Variants in HIVEP1 observed in about 807,000 individuals in gnomAD.
HIVEP1 encodes the protein HIVEP zinc finger 1.
Under a neutral mutation model 180.0 loss-of-function variants are expected in HIVEP1, and 36 were observed. The ratio of observed to expected loss-of-function variants is 0.20; its 90% CI spans 0.15 to 0.26. The LOEUF (loss-of-function observed/expected upper bound fraction) is 0.26, where lower values mean the gene tolerates loss of function less well. HIVEP1 is among the 10% of genes least tolerant of loss of function. HIVEP1 has a pLI of 1.00. For synonymous variants in HIVEP1, 1,239 were observed against 1,239.0 expected, an observed-to-expected ratio of 1.00 and a Z score of 0.00; for missense variants, 3,143 against 3,268.7, an observed-to-expected ratio of 0.96 and a Z score of 0.94.
chr6:12,167,066 C>T (rs539748978), downstream of HIVEP1, among the ~76,000 whole-genome samples: 2 of 151,976 alleles, frequency 1.3e-5, no homozygotes, highest in African/African-American at 2.4e-5. Context: ...TTATTTCTTT[C>T]GAAATGATAA....
At chr6:12,081,713 A>C (rs55943468) in intron 2 of HIVEP1, among the ~76,000 whole-genome samples, 7,674 of 152,226 alleles carry the variant, frequency 0.05, 206 homozygotes, top group South Asian at 0.1. Flanking sequence ...AGAACAAAAC[A>C]AATCAAATAG....
At chr6:12,159,653 A>G (rs1188215443) in intron 7 of HIVEP1, among the ~76,000 whole-genome samples, 2 of 152,184 alleles carry the variant, frequency 1.3e-5, no homozygotes, top group East Asian at 3.9e-4. Flanking sequence ...CTGGGTATTT[A>G]CCCAGAAATC....
At chr6:12,017,676 G>T (rs1198786972) in intron 2 of HIVEP1, among the ~76,000 whole-genome samples, 1 of 152,232 alleles carries the variant, frequency 6.6e-6, no homozygotes, top group Non-Finnish European at 1.5e-5. Context: ...GCTGATTGGT[G>T]TGTTTACAAT....
At chr6:12,091,347 T>TA (rs1421426760) in intron 3 of HIVEP1, among the ~76,000 whole-genome samples, 1 of 152,128 alleles carries the variant, frequency 6.6e-6, no homozygotes, top group Non-Finnish European at 1.5e-5. Flanking sequence ...CATTGCTTTT[T>TA]AAAAAAATTA....
intron 7 of HIVEP1, among the ~76,000 whole-genome samples, chr6:12,159,200 G>T (rs1004603029): frequency 6.6e-6 from 1 of 152,064 alleles, no homozygotes; most frequent in African/African-American, 2.4e-5. Flanking sequence ...ACGTGTGTGT[G>T]TGTGTGTGCG....
rs539053999 is a variant in HIVEP1, at chr6:12,138,029, G to A, written c.6487+2137G>A. 2.5e-3 allele frequency among the ~76,000 whole-genome samples: 374 copies of A among 152,248 alleles called. 3 individuals carry two copies. Among genetic ancestry groups the A allele is most frequent in the South Asian group, 3.5e-3 (17 of 4,816 alleles). Reference sequence around the variant, plus strand: ...TTATTGCTGCTGAGGGGCAGCTTCCGTTACTCCCCACTCCTTGCCACTCTC... The same window carrying A: ...TTATTGCTGCTGAGGGGCAGCTTCCATTACTCCCCACTCCTTGCCACTCTC... On this transcript the variant is annotated intron_variant, in intron 7 of 8. Coordinates refer to ENST00000379388, the MANE Select transcript of HIVEP1 (RefSeq NM_002114.4).
chr6:12,061,495 G>T (rs1277927047), intron 2 of HIVEP1, among the ~76,000 whole-genome samples: 2 of 152,088 alleles, frequency 1.3e-5, no homozygotes, highest in African/African-American at 4.8e-5. Context: ...GCTAATAGAA[G>T]AAAAACGAAA....
intron 3 of HIVEP1, among the ~76,000 whole-genome samples, chr6:12,115,347 A>ATTT (rs1775145972): frequency 4.1e-5 from 3 of 73,442 alleles, no homozygotes; most frequent in African/African-American, 2.0e-4. Context: ...TTCCCCAACT[A>ATTT]TTCTTTTTTT....
intron 6 of HIVEP1, among the ~76,000 whole-genome samples, chr6:12,135,097 C>T (rs1444635608): frequency 6.6e-6 from 1 of 152,178 alleles, no homozygotes; most frequent in Non-Finnish European, 1.5e-5. Flanking sequence ...ACAGGCTTAC[C>T]TGTCCTGAGA....
intron 2 of HIVEP1, among the ~76,000 whole-genome samples, chr6:12,037,359 TTGTC>T (rs1769349069): frequency 6.6e-6 from 1 of 152,348 alleles, no homozygotes; most frequent in East Asian, 1.9e-4. Flanking sequence ...AAAGAGATGT[TTGTC>T]TGTGTCAGTT....
At position 12,163,561 on chromosome 6, in the gene HIVEP1, T is replaced by A. The variant is rs1358421200; in HGVS notation, c.7257T>A (p.Leu2419=). The A allele has an allele frequency of 6.2e-7, 1 of 1,614,058 alleles. No homozygotes were observed. Among genetic ancestry groups the A allele is most frequent in the Non-Finnish European group, 8.5e-7 (1 of 1,180,034 alleles). The change falls in exon 9 of 9, where the codon CTT becomes CTA. Residue 2419 remains leucine, a synonymous_variant. Transcript: ENST00000379388. ...TCACATACTCCACGTTTGTGCCCCT[T>A]CAGGCTGGACCAGTGCAGCTCACGA... is the stretch of plus-strand genomic sequence containing the variant. ...AGLTYSTFVP[L]QAGPVQLTIP...
Position 12,015,857 on chromosome 6 carries a change from A to G in HIVEP1, c.40+189A>G, listed in dbSNP as rs1767707645. ...GAGATACTTAATAAATATCTGTTGA[A>G]TGAATGAATTGAATTTGACGAAATT... is the stretch of plus-strand genomic sequence containing the variant. On this transcript the variant is annotated intron_variant, in intron 2 of 8. Transcript: ENST00000379388. Among the ~76,000 whole-genome samples, 3 of 152,352 alleles carry G rather than the reference A, an allele frequency of 2.0e-5. No homozygotes were observed. In the South Asian group the frequency reaches 6.2e-4, roughly 32 times the overall value.
Position 12,120,478 on chromosome 6 carries a change from A to C in HIVEP1, c.683A>C (p.Lys228Thr). ...AIKTEKLRPN[K>T]TARSPPKLKN... The stretch of plus-strand genomic sequence containing the variant: ...AAGACAGAAAAACTGAGGCCAAATA[A>C]AACTGCACGTTCCCCTCCCAAATTA... The change falls in exon 4 of 9, where the codon AAA becomes ACA. Residue 228 changes from lysine (K) to threonine (T), a missense_variant. Around this residue, in one of 12 missense-constraint regions of HIVEP1, gnomAD observed 306 missense variants for 310.6 expected, o/e 0.99. Coordinates refer to ENST00000379388, the MANE Select transcript of HIVEP1 (RefSeq NM_002114.4). 2 of 1,614,184 alleles carry C rather than the reference A, an allele frequency of 1.2e-6. No homozygotes were observed. Among genetic ancestry groups the C allele is most frequent in the South Asian group, 2.2e-5 (2 of 91,076 alleles).
intron 2 of HIVEP1, among the ~76,000 whole-genome samples, chr6:12,062,651 T>G (rs1771315420): frequency 6.6e-6 from 1 of 152,208 alleles, no homozygotes; most frequent in African/African-American, 2.4e-5. Context: ...TTCTTATTCT[T>G]GTTTTTTCTG....
Position 12,124,936 on chromosome 6 carries a change from G to C in HIVEP1, c.5141G>C (p.Ser1714Thr). The C allele has an allele frequency of 6.2e-7, 1 of 1,613,942 alleles. No individual in the cohort carries two copies. The highest frequency in any genetic ancestry group is 8.5e-7 in the Non-Finnish European group (1 of 1,179,964). Residue 1714 changes from serine to threonine, a missense_variant, in exon 4 of 9, where the codon AGC becomes ACC. Coordinates refer to ENST00000379388, the MANE Select transcript of HIVEP1 (RefSeq NM_002114.4). ...TGTGAAAATGTTTTTTCAGAGATGAGCCAAAATTCTTCTCTATCAGAATCC... is the reference window on the plus strand; with the variant it reads ...TGTGAAAATGTTTTTTCAGAGATGACCCAAAATTCTTCTCTATCAGAATCC... ...FLCENVFSEM[S>T]QNSSLSESLP...
At chr6:12,094,512 G>C (rs1209479191) in intron 3 of HIVEP1, among the ~76,000 whole-genome samples, 1 of 151,642 alleles carries the variant, frequency 6.6e-6, no homozygotes, top group Non-Finnish European at 1.5e-5. Flanking sequence ...TTTATTTGTT[G>C]AAATTATTTT....
intron 2 of HIVEP1, among the ~76,000 whole-genome samples, chr6:12,051,622 G>A (rs1770547926): frequency 6.6e-6 from 1 of 151,482 alleles, no homozygotes; most frequent in Non-Finnish European, 1.5e-5. Flanking sequence ...AATATAAATA[G>A]ATACAGGTAT....
chr6:12,186,792 C>G, the HIVEP1 span, among the ~76,000 whole-genome samples: 1 of 151,834 alleles, frequency 6.6e-6, no homozygotes, highest in Non-Finnish European at 1.5e-5. Flanking sequence ...TTGAAATAAA[C>G]AGACCTGAGA....
At chr6:12,135,267 C>T (rs1414700110) in intron 6 of HIVEP1, among the ~76,000 whole-genome samples, 2 of 152,220 alleles carry the variant, frequency 1.3e-5, no homozygotes, top group Non-Finnish European at 2.9e-5. Context: ...GCCAATGAAA[C>T]TGTTAAGGTC....
Sources: gnomAD v4.1 joint callset for allele counts (sites outside exome capture counted in the v4.1 genomes callset) on GRCh38, gnomAD v4.1.1 for gene constraint, gnomAD v4.1.1 regional missense constraint, MANE v1.5 for transcripts, NCBI Gene and HGNC (gene_info 2026-07-23, HGNC 2026-07-21) for gene names.